Variants in HIPK2 observed in about 807,000 individuals in gnomAD.
HIPK2 encodes homeodomain interacting protein kinase 2.
Under a neutral mutation model 113.7 loss-of-function variants are expected in HIPK2, and 27 were observed. The observed-to-expected ratio is 0.24, with a 90% CI of 0.17 to 0.33. The LOEUF is 0.33. HIPK2 is among the 10% of genes least tolerant of loss of function. HIPK2 has a pLI of 1.00. For synonymous variants in HIPK2, 631 were observed against 642.2 expected (o/e 0.98, Z 0.26); for missense variants, 1,257 against 1,588.0 (o/e 0.79, Z 3.54).
chr7:139,641,801 A>G (rs1801035144), intron 2 of HIPK2, among the ~76,000 whole-genome samples: 1 of 152,194 alleles, frequency 6.6e-6, no homozygotes, highest in Non-Finnish European at 1.5e-5. Flanking sequence ...TACATAGTTC[A>G]CTGACAAAAC....
intron 1 of HIPK2, among the ~76,000 whole-genome samples, chr7:139,774,373 T>C (rs911214455): frequency 2.0e-5 from 3 of 152,202 alleles, no homozygotes; most frequent in Non-Finnish European, 4.4e-5. Context: ...TCATAGCACA[T>C]TGTCTGAAAT....
chr7:139,706,937 A>T (rs561576575), intron 2 of HIPK2, among the ~76,000 whole-genome samples: 15 of 152,260 alleles, frequency 9.9e-5, no homozygotes, highest in African/African-American at 3.6e-4. Flanking sequence ...TTTCTGCTTC[A>T]GAGCCACCTC....
intron 1 of HIPK2, among the ~76,000 whole-genome samples, chr7:139,758,755 T>C (rs1796402796): frequency 6.6e-6 from 1 of 151,936 alleles, no homozygotes; most frequent in South Asian, 2.1e-4. Flanking sequence ...CCACCCCCAG[T>C]CCATGGAAAA....
chr7:139,646,433 G>A (rs767431824), intron 2 of HIPK2, among the ~76,000 whole-genome samples: 2 of 150,972 alleles, frequency 1.3e-5, no homozygotes, highest in East Asian at 1.9e-4. Flanking sequence ...CTGGGAAGTC[G>A]AGGCTGCAGT....
chr7:139,651,326 G>A (rs995055339), intron 2 of HIPK2, among the ~76,000 whole-genome samples: 5 of 151,886 alleles, frequency 3.3e-5, no homozygotes, highest in Non-Finnish European at 7.4e-5. Flanking sequence ...GGATGAACCC[G>A]GCACAGAGAC....
At chr7:139,719,258 C>T (rs992174113) in intron 1 of HIPK2, among the ~76,000 whole-genome samples, 3 of 152,074 alleles carry the variant, frequency 2.0e-5, no homozygotes, top group Admixed American at 6.5e-5. Context: ...AGGTGTGCGC[C>T]ACCACGCCCA....
intron 13 of HIPK2, 177 bp downstream of exon 13, chr7:139,583,640 T>C: frequency 7.3e-6 from 6 of 822,888 alleles, no homozygotes; most frequent in South Asian, 5.4e-5. Flanking sequence ...TTATACAATG[T>C]GCTGTTCAGC....
At chr7:139,732,283 A>T (rs1187930693) in intron 1 of HIPK2, among the ~76,000 whole-genome samples, 2 of 152,206 alleles carry the variant, frequency 1.3e-5, no homozygotes, top group Non-Finnish European at 2.9e-5. Flanking sequence ...TGTGCAAATT[A>T]AAGTGGGTTC....
intron 1 of HIPK2, among the ~76,000 whole-genome samples, chr7:139,726,335 G>A (rs1341271448): frequency 1.3e-5 from 2 of 152,088 alleles, no homozygotes; most frequent in Non-Finnish European, 2.9e-5. Flanking sequence ...GGAAGCAGCA[G>A]AAATATAAAA....
chr7:139,699,822 C>G (rs1026623276), intron 2 of HIPK2, among the ~76,000 whole-genome samples: 9 of 152,240 alleles, frequency 5.9e-5, no homozygotes, highest in Non-Finnish European at 1.3e-4. Context: ...AATCTGCGCA[C>G]GCCAGGGGTG....
chr7:139,606,825 A>T (rs183428705), intron 9 of HIPK2, among the ~76,000 whole-genome samples: 1 of 152,220 alleles, frequency 6.6e-6, no homozygotes, highest in Admixed American at 6.5e-5. Flanking sequence ...GTTTCCAATT[A>T]GTTTTTTAGT....
chr7:139,769,004 T>C (rs1178590063), intron 1 of HIPK2, among the ~76,000 whole-genome samples: 1 of 152,194 alleles, frequency 6.6e-6, no homozygotes, highest in Non-Finnish European at 1.5e-5. Flanking sequence ...GGTTATACTA[T>C]GACCCAGTCA....
rs1433826531 is a variant in HIPK2, at chr7:139,572,056, C to T, written c.*871G>A. ...CTACATTCTACTAGGGTGTCTGTGACGACCGCTAGCCCTACGCTACGCGAC... is the reference window on the plus strand; with the variant it reads ...CTACATTCTACTAGGGTGTCTGTGATGACCGCTAGCCCTACGCTACGCGAC... On this transcript the variant is annotated 3_prime_UTR_variant, in exon 15 of 15. Transcript: ENST00000406875. 1.3e-5 allele frequency: 2 copies of T among 152,192 alleles called. No individual in the cohort carries two copies. Among genetic ancestry groups the T allele is most frequent in the African/African-American group, 4.8e-5 (2 of 41,440 alleles). 9.4% of individuals were successfully genotyped at this position (152,192 alleles called of 1,614,324 possible). A position where few individuals can be genotyped will look rare whatever the true frequency, so the allele number is the denominator to read the frequency against.
At chr7:139,742,895 A>G (rs754910127) in intron 1 of HIPK2, among the ~76,000 whole-genome samples, 25 of 152,212 alleles carry the variant, frequency 1.6e-4, no homozygotes, top group Non-Finnish European at 2.8e-4. Flanking sequence ...AGAGACTATA[A>G]ACTGTCTTGA....
intron 9 of HIPK2, among the ~76,000 whole-genome samples, chr7:139,612,698 C>T (rs977181170): frequency 3.3e-5 from 5 of 152,142 alleles, no homozygotes; most frequent in African/African-American, 1.2e-4. Context: ...CATTTTTCAT[C>T]TCTGCCATCT....
intron 12 of HIPK2, among the ~76,000 whole-genome samples, chr7:139,595,034 G>A (rs577152728): frequency 1.7e-4 from 26 of 152,268 alleles, no homozygotes; most frequent in East Asian, 3.9e-4. Flanking sequence ...GTGGAGAGAC[G>A]GCTCTCTCAT....
intron 1 of HIPK2, among the ~76,000 whole-genome samples, chr7:139,772,292 T>A (rs1585471167): frequency 6.6e-6 from 1 of 151,932 alleles, no homozygotes; most frequent in Admixed American, 6.6e-5. Flanking sequence ...GGGAATCAAT[T>A]CTCCAACAGC....
intron 2 of HIPK2, among the ~76,000 whole-genome samples, chr7:139,651,934 G>A (rs550141549): frequency 1.2e-4 from 18 of 152,330 alleles, no homozygotes; most frequent in African/African-American, 4.3e-4. Context: ...TCACTTTGCT[G>A]ATCTGGCTTT....
At chr7:139,717,159 C>G in intron 1 of HIPK2, 144 bp from the exon 2 acceptor site, 1 of 1,121,340 alleles carries the variant, frequency 8.9e-7, no homozygotes, top group Non-Finnish European at 1.2e-6. Context: ...AAAAGTGAAT[C>G]TCTTCCACCC....
Sources: allele counts gnomAD v4.1 joint callset (sites outside exome capture counted in the v4.1 genomes callset), GRCh38; gene constraint gnomAD v4.1.1; transcripts MANE v1.5; gene names NCBI Gene and HGNC (gene_info 2026-07-23, HGNC 2026-07-21).